The following CACNA1C variants were observed in gnomAD, a reference collection of about 807,000 sequenced individuals.
The protein encoded by CACNA1C is voltage-dependent L-type calcium channel subunit alpha-1C.
A neutral mutation model predicts 229.0 loss-of-function variants in CACNA1C; 30 were observed. That is an observed-to-expected ratio of 0.13 (90% CI 0.10 to 0.18). The LOEUF is 0.18. Ranked by LOEUF, CACNA1C falls within the 10% of genes least tolerant of loss-of-function variation. CACNA1C has a pLI of 1.00. For missense variants in CACNA1C, 1,658 were observed against 2,845.0 expected (o/e 0.58, Z 9.49); for synonymous variants, 1,114 against 1,132.5 (o/e 0.98, Z 0.33).
chr12:2,264,618 C>G (rs1306257876), intron 3 of CACNA1C, among the ~76,000 whole-genome samples: 1 of 152,208 alleles, frequency 6.6e-6, no homozygotes, highest in Non-Finnish European at 1.5e-5. Context: ...CTCCCTAACC[C>G]TCTTCCACAT....
At chr12:2,685,707 G>A (rs752199020) in intron 43 of CACNA1C, 29 bp from the exon 44 acceptor site, 2 of 1,581,882 alleles carry the variant, frequency 1.3e-6, no homozygotes, top group East Asian at 2.2e-5. Context: ...CAGCCTCCAG[G>A]AACAAGCCCC....
intron 3 of CACNA1C, among the ~76,000 whole-genome samples, chr12:2,278,424 C>T (rs1319349417): frequency 6.6e-6 from 1 of 152,136 alleles, no homozygotes; most frequent in Non-Finnish European, 1.5e-5. Flanking sequence ...GCCCTCCTCC[C>T]CACCCCTGCT....
rs2041594190 is a variant in CACNA1C at position 1,999,102 on chromosome 12, T to G, written c.139+27901T>G. On this transcript the variant is annotated intron_variant, in intron 1 of 46. Transcript: ENST00000682462. ...AGCGGCATCAGCGTCACCTGGGAAC[T>G]TATTAGAAATGCAAGCTCTTGGGCT... Among the ~76,000 whole-genome samples the G allele has an allele frequency of 2.0e-5, 3 of 152,220 alleles. No homozygotes were observed. The South Asian group carries it at 6.2e-4, about 31-fold the overall frequency.
chr12:2,480,022 C>G (rs2099667440), intron 5 of CACNA1C, among the ~76,000 whole-genome samples: 2 of 152,204 alleles, frequency 1.3e-5, no homozygotes, highest in Non-Finnish European at 2.9e-5. Flanking sequence ...TTATTTCCTC[C>G]ACTTTACCAG....
At chr12:2,267,059 C>T (rs1050081339) in intron 3 of CACNA1C, among the ~76,000 whole-genome samples, 7 of 152,324 alleles carry the variant, frequency 4.6e-5, no homozygotes, top group African/African-American at 1.4e-4. Flanking sequence ...TCACACATTA[C>T]TTCACGTGGA....
chr12:2,421,341 C>G (rs777415699), intron 3 of CACNA1C, among the ~76,000 whole-genome samples: 1 of 152,212 alleles, frequency 6.6e-6, no homozygotes, highest in Non-Finnish European at 1.5e-5. Context: ...ATGTCTGAAG[C>G]AAACTGGAGT....
intron 3 of CACNA1C, among the ~76,000 whole-genome samples, chr12:2,292,047 A>T (rs148983344): frequency 6.6e-6 from 1 of 152,332 alleles, no homozygotes; most frequent in Admixed American, 6.5e-5. Flanking sequence ...TGTCAGTGAG[A>T]CCAGCAGGAG....
intron 13 of CACNA1C, among the ~76,000 whole-genome samples, chr12:2,571,912 C>G (rs1013419975): frequency 1.4e-4 from 21 of 152,162 alleles, no homozygotes; most frequent in Admixed American, 3.9e-4. Flanking sequence ...TTCAGCTGAA[C>G]CTTGAAATGG....
chr12:2,425,141 C>G (rs1221197615), intron 3 of CACNA1C, among the ~76,000 whole-genome samples: 2 of 152,252 alleles, frequency 1.3e-5, no homozygotes, highest in Non-Finnish European at 2.9e-5. Flanking sequence ...CCTAACACAC[C>G]AAAAGCAGAG....
chr12:2,448,946 T>C, intron 3 of CACNA1C, 30 bp from the exon 4 acceptor site: 3 of 1,584,300 alleles, frequency 1.9e-6, no homozygotes, highest in Non-Finnish European at 2.6e-6. Context: ...AATGACTTAT[T>C]TTTCTCTCTT....
In CACNA1C at chr12:2,163,613, G is replaced by T. The variant is rs185313191; in HGVS notation, c.477+43183G>T. ...GTGGTGAAGGTTCACAGAAAGAATG[G>T]GATCCAGAAGCGTCTTCCAGCATGG... On this transcript the variant is annotated intron_variant, in intron 3 of 46. Transcript: ENST00000399655. Among the ~76,000 whole-genome samples the T allele has an allele frequency of 3.0e-3, 458 of 152,302 alleles. 4 individuals carry two copies. The highest frequency in any genetic ancestry group is 5.0e-3 in the Non-Finnish European group (343 of 68,018).
intron 2 of CACNA1C, among the ~76,000 whole-genome samples, chr12:2,116,811 A>G (rs111665849): frequency 6.6e-6 from 1 of 152,142 alleles, no homozygotes; most frequent in East Asian, 1.9e-4. Flanking sequence ...GAATTTTTAT[A>G]ATAAGGATTC....
chr12:2,615,540 T>C (rs779752359), intron 29 of CACNA1C, among the ~76,000 whole-genome samples: 1 of 152,190 alleles, frequency 6.6e-6, no homozygotes, highest in Non-Finnish European at 1.5e-5. Context: ...TCAATACCAT[T>C]CCAGTTAAAA....
chr12:2,689,701 C>T lies in CACNA1C; in HGVS notation c.6117+922C>T, dbSNP rs1296316267. On this transcript the variant is annotated intron_variant, in intron 46 of 46. Transcript: ENST00000399655. The surrounding 1 kb of genome is among the most constrained non-coding windows in gnomAD (Gnocchi z 4.2). ...GGTTTACCTCTCAAAGTCTGGTATT[C>T]CTGTGGCCTCGATCATCCTGCATTC... Among the ~76,000 whole-genome samples, 1 of 152,054 alleles carries T rather than the reference C, an allele frequency of 6.6e-6. No homozygotes were observed. The highest frequency in any genetic ancestry group is 1.5e-5 in the Non-Finnish European group (1 of 68,030).
chr12:2,460,350 A>G (rs983849252), intron 5 of CACNA1C, among the ~76,000 whole-genome samples: 4 of 152,244 alleles, frequency 2.6e-5, no homozygotes, highest in Non-Finnish European at 4.4e-5. Flanking sequence ...GCAGAGAAGC[A>G]TGGGTGAACG....
chr12:2,004,278 G>C, intron 1 of CACNA1C: 2 of 1,612,934 alleles, frequency 1.2e-6, no homozygotes, highest in Non-Finnish European at 1.7e-6. Context: ...GCGTCCGCAC[G>C]CACCCACTCG....
intron 3 of CACNA1C, among the ~76,000 whole-genome samples, chr12:2,419,453 C>G (rs889132644): frequency 1.3e-5 from 2 of 152,150 alleles, no homozygotes; most frequent in African/African-American, 4.8e-5. Context: ...ACCTCCAGTC[C>G]TCCAGTGTTG....
chr12:2,069,414 G>C (rs2060431420), intron 1 of CACNA1C, among the ~76,000 whole-genome samples: 3 of 152,172 alleles, frequency 2.0e-5, no homozygotes, highest in South Asian at 2.1e-4. Flanking sequence ...GCATGTGGGG[G>C]GTGTGCCTGT....
chr12:2,576,787 C>G (rs1163425463), intron 13 of CACNA1C, among the ~76,000 whole-genome samples: 1 of 152,138 alleles, frequency 6.6e-6, no homozygotes, highest in Non-Finnish European at 1.5e-5. Flanking sequence ...AAGGCTGCCA[C>G]CTGGACACCT....
Sources: gnomAD v4.1 joint callset for allele counts (sites outside exome capture counted in the v4.1 genomes callset) on GRCh38, gnomAD v4.1.1 for gene constraint, Gnocchi (gnomAD v3.1) non-coding constraint, MANE v1.5 for transcripts, NCBI Gene and HGNC (gene_info 2026-07-23, HGNC 2026-07-21) for gene names.